The following GPHN variants were observed in gnomAD, a reference collection of about 807,000 sequenced individuals.
GPHN encodes the protein gephyrin.
Under a neutral mutation model 95.5 loss-of-function variants are expected in GPHN, and 17 were observed. That is an observed-to-expected ratio of 0.18 (90% CI 0.12 to 0.27). The LOEUF is 0.27. Among genes scored for constraint, GPHN ranks in the 10% least tolerant of loss-of-function variants. The pLI is 1.00. For missense variants in GPHN, 660 were observed against 978.1 expected, an observed-to-expected ratio of 0.67 and a Z score of 4.34; for synonymous variants, 320 against 322.5, an observed-to-expected ratio of 0.99 and a Z score of 0.08.
At chr14:67,562,742 C>G in the GPHN span, 4 of 1,613,628 alleles carry the variant, frequency 2.5e-6, no homozygotes, top group South Asian at 4.4e-5. Context: ...AGCTAGGTCC[C>G]GGGAGGAACC....
the GPHN span, among the ~76,000 whole-genome samples, chr14:67,266,372 C>CTGAA: frequency 7.9e-5 from 12 of 152,210 alleles, no homozygotes; most frequent in East Asian, 7.7e-4. Flanking sequence ...GTTGCCCAGT[C>CTGAA]TGAAGTGCAG....
At chr14:67,162,070 C>T (rs1174302665) in intron 19 of GPHN, among the ~76,000 whole-genome samples, 4 of 152,056 alleles carry the variant, frequency 2.6e-5, no homozygotes, top group Admixed American at 1.3e-4. Flanking sequence ...AAATGGCTTC[C>T]AGAGCTTAAA....
chr14:66,933,811 A>C (rs1488669506), intron 8 of GPHN, among the ~76,000 whole-genome samples: 2 of 152,126 alleles, frequency 1.3e-5, no homozygotes, highest in Non-Finnish European at 2.9e-5. Context: ...CTCAGAATAC[A>C]AATATAAACA....
chr14:67,195,553 C>T, the GPHN span, among the ~76,000 whole-genome samples: 2 of 152,154 alleles, frequency 1.3e-5, no homozygotes, highest in Non-Finnish European at 2.9e-5. Flanking sequence ...AATTGTTTTT[C>T]CAAAATGTGC....
the GPHN span, chr14:67,685,300 C>T: frequency 9.5e-5 from 87 of 919,188 alleles, no homozygotes; most frequent in Admixed American, 1.7e-3. Context: ...GTGACCTTCA[C>T]ATATGGACTC....
the GPHN span, among the ~76,000 whole-genome samples, chr14:67,730,953 T>C: frequency 6.6e-6 from 1 of 152,086 alleles, no homozygotes. Context: ...AAAAAAGAAG[T>C]GTAAGTTATC....
chr14:67,411,961 G>A, the GPHN span: 4 of 1,456,696 alleles, frequency 2.7e-6, no homozygotes, highest in Non-Finnish European at 3.7e-6. Context: ...CCGCTCTAGG[G>A]AGCCGCGTCG....
Position 66,548,243 on chromosome 14 carries a change from C to T in GPHN, c.64+39652C>T, listed in dbSNP as rs550098712. Among the ~76,000 whole-genome samples, 16 of 149,472 alleles carry T rather than the reference C, an allele frequency of 1.1e-4. No individual in the cohort carries two copies. In the South Asian group the frequency reaches 1.7e-3, roughly 16 times the overall value. ...TCGCCCAGTCTGGAGTGCAATGGCA[C>T]GATCTCGGCTCACTGCAACCTCTTC... On this transcript the variant is annotated intron_variant, in intron 1 of 22. Coordinates refer to ENST00000478722, the MANE Select transcript of GPHN (RefSeq NM_020806.5).
At chr14:66,707,313 G>T (rs2069169866) in intron 2 of GPHN, among the ~76,000 whole-genome samples, 1 of 152,152 alleles carries the variant, frequency 6.6e-6, no homozygotes, top group Non-Finnish European at 1.5e-5. Context: ...CCATTACTGG[G>T]TATATACCCA....
chr14:66,831,146 A>G (rs759040805), intron 4 of GPHN, among the ~76,000 whole-genome samples: 1 of 152,108 alleles, frequency 6.6e-6, no homozygotes, highest in Non-Finnish European at 1.5e-5. Flanking sequence ...CTCACCTAAA[A>G]GTTAATATTG....
At chr14:66,555,301 T>TG (rs2059965539) in intron 1 of GPHN, among the ~76,000 whole-genome samples, 1 of 152,212 alleles carries the variant, frequency 6.6e-6, no homozygotes, top group African/African-American at 2.4e-5. Context: ...ATAATATTAC[T>TG]GAGTAATAAT....
the GPHN span, chr14:67,646,884 TTAAAC>T: frequency 2.0e-6 from 3 of 1,486,452 alleles, no homozygotes; most frequent in African/African-American, 2.8e-5. Flanking sequence ...AAAATGCTCT[TTAAAC>T]TAAGGACTCC....
chr14:66,592,064 A>G (rs10839654), intron 1 of GPHN, among the ~76,000 whole-genome samples: 2 of 152,330 alleles, frequency 1.3e-5, no homozygotes, highest in East Asian at 3.9e-4. Flanking sequence ...ACGATTCCCT[A>G]TTTAATAAAT....
the GPHN span, among the ~76,000 whole-genome samples, chr14:67,545,956 A>G: frequency 3.3e-5 from 5 of 152,192 alleles, no homozygotes; most frequent in Non-Finnish European, 7.4e-5. Context: ...AAAAAAAAAA[A>G]AAAGTTGAAA....
At chr14:67,317,397 T>C in the GPHN span, 1 of 1,605,740 alleles carries the variant, frequency 6.2e-7, no homozygotes, top group Non-Finnish European at 8.5e-7. Flanking sequence ...ATGTTTATGA[T>C]TGCTCAACAG....
At chr14:66,605,883 T>C (rs1345667364) in intron 1 of GPHN, among the ~76,000 whole-genome samples, 1 of 152,108 alleles carries the variant, frequency 6.6e-6, no homozygotes, top group African/African-American at 2.4e-5. Flanking sequence ...AAGTTTCTTA[T>C]AGATTCTGGA....
chr14:66,696,833 A>G (rs2068129961), intron 2 of GPHN, among the ~76,000 whole-genome samples: 1 of 152,218 alleles, frequency 6.6e-6, no homozygotes, highest in African/African-American at 2.4e-5. Context: ...TAAAGATGCT[A>G]TGAATTTATT....
chr14:66,631,038 T>G (rs943443268), intron 1 of GPHN, among the ~76,000 whole-genome samples: 2 of 151,976 alleles, frequency 1.3e-5, no homozygotes, highest in African/African-American at 2.4e-5. Context: ...GTCGTTCTTT[T>G]TTTTTGTTTT....
chr14:67,447,551 T>C, the GPHN span: 4 of 149,988 alleles, frequency 2.7e-5, no homozygotes, highest in African/African-American at 9.7e-5. Flanking sequence ...TGAAAAGTAA[T>C]AGAAAACTAG....
Sources: allele counts gnomAD v4.1 joint callset (sites outside exome capture counted in the v4.1 genomes callset), GRCh38; gene constraint gnomAD v4.1.1; transcripts MANE v1.5; gene names NCBI Gene and HGNC (gene_info 2026-07-23, HGNC 2026-07-21).